Variants in NDUFAF2 observed in about 807,000 individuals in gnomAD.
The protein encoded by NDUFAF2 is NADH dehydrogenase [ubiquinone] 1 alpha subcomplex assembly factor 2.
A neutral mutation model predicts 22.8 loss-of-function variants in NDUFAF2; 13 were observed. The observed-to-expected ratio is 0.57, with a 90% CI of 0.37 to 0.91. The LOEUF (loss-of-function observed/expected upper bound fraction) is 0.91. Ranked by LOEUF, NDUFAF2 falls within the 40% of genes least tolerant of loss-of-function variation. The pLI is 0.01. For missense variants in NDUFAF2, 162 were observed against 195.2 expected, an observed-to-expected ratio of 0.83 and a Z score of 1.01; for synonymous variants, 53 against 64.2, an observed-to-expected ratio of 0.83 and a Z score of 0.84.
At chr5:61,141,452 T>C (rs1003285575) in intron 3 of NDUFAF2, among the ~76,000 whole-genome samples, 7 of 152,092 alleles carry the variant, frequency 4.6e-5, no homozygotes, top group Non-Finnish European at 8.8e-5. Context: ...TCAGTTAATA[T>C]ATGCATGAAC....
At chr5:61,040,282 A>ACGCGCGCGCGCGCGCGCG (rs1263125156) in intron 1 of NDUFAF2, among the ~76,000 whole-genome samples, 2 of 84,052 alleles carry the variant, frequency 2.4e-5, no homozygotes, top group African/African-American at 9.3e-5. Flanking sequence ...ACACACACAC[A>ACGCGCGCGCGCGCGCGCG]CACACGCGCG....
chr5:61,053,958 A>G (rs1007617824), intron 1 of NDUFAF2, among the ~76,000 whole-genome samples: 1 of 152,166 alleles, frequency 6.6e-6, no homozygotes, highest in African/African-American at 2.4e-5. Context: ...TTGGTAAAAA[A>G]TAAAACATAT....
intron 3 of NDUFAF2, among the ~76,000 whole-genome samples, chr5:61,111,236 A>G (rs1339941710): frequency 6.6e-6 from 1 of 152,218 alleles, no homozygotes; most frequent in Non-Finnish European, 1.5e-5. Flanking sequence ...CCTAACGTAT[A>G]GTCTGTCCTT....
intron 1 of NDUFAF2, among the ~76,000 whole-genome samples, chr5:60,975,334 C>G (rs971257433): frequency 1.3e-5 from 2 of 151,704 alleles, no homozygotes; most frequent in African/African-American, 4.8e-5. Context: ...AGGATTTTTA[C>G]CTAAGTAATT....
chr5:60,972,512 T>C (rs1750848305), intron 1 of NDUFAF2, among the ~76,000 whole-genome samples: 1 of 152,180 alleles, frequency 6.6e-6, no homozygotes, highest in Non-Finnish European at 1.5e-5. Context: ...CCTTCTGCCA[T>C]GATTATATCT....
At chr5:60,949,392 C>G (rs1750510462) in intron 1 of NDUFAF2, among the ~76,000 whole-genome samples, 1 of 152,168 alleles carries the variant, frequency 6.6e-6, no homozygotes, top group Non-Finnish European at 1.5e-5. Context: ...CTTTTTACTG[C>G]TGATTAGTAT....
intron 3 of NDUFAF2, among the ~76,000 whole-genome samples, chr5:61,121,999 T>A (rs982561061): frequency 1.3e-5 from 2 of 151,928 alleles, no homozygotes; most frequent in African/African-American, 2.4e-5. Flanking sequence ...CCCAGCTAAT[T>A]TTTGTATTTT....
intron 3 of NDUFAF2, among the ~76,000 whole-genome samples, chr5:61,108,683 T>C (rs1752798805): frequency 6.6e-6 from 1 of 152,118 alleles, no homozygotes; most frequent in Non-Finnish European, 1.5e-5. Flanking sequence ...CATATAGATA[T>C]CCAGTTTTCC....
intron 1 of NDUFAF2, among the ~76,000 whole-genome samples, chr5:61,001,113 T>C (rs1751289645): frequency 6.6e-6 from 1 of 152,112 alleles, no homozygotes; most frequent in Non-Finnish European, 1.5e-5. Context: ...TTCTCTTTCT[T>C]TGGCAGAAAC....
At chr5:60,986,610 G>A (rs1751081608) in intron 1 of NDUFAF2, among the ~76,000 whole-genome samples, 1 of 152,090 alleles carries the variant, frequency 6.6e-6, no homozygotes, top group South Asian at 2.1e-4. Context: ...AATAACCAAA[G>A]TCAGAGCTGA....
At chr5:61,074,983 C>T (rs1402538695) in intron 2 of NDUFAF2, among the ~76,000 whole-genome samples, 1 of 152,080 alleles carries the variant, frequency 6.6e-6, no homozygotes, top group African/African-American at 2.4e-5. Flanking sequence ...CTCATGAGAA[C>T]TCACTCACTT....
rs377088108 is a variant in NDUFAF2 at position 61,108,296 on chromosome 5, A to C, written c.258+9264A>C. ...GCCACACTGACTTCCACAATGGTTG[A>C]ACTAGTTTACAGTCCCACCAACAGT... On this transcript the variant is annotated intron_variant, in intron 3 of 3. Coordinates refer to ENST00000296597, the MANE Select transcript of NDUFAF2 (RefSeq NM_174889.5). Among the ~76,000 whole-genome samples the C allele has an allele frequency of 2.0e-5, 3 of 149,124 alleles. No homozygotes were observed. In the East Asian group the frequency reaches 5.8e-4, roughly 29 times the overall value.
At chr5:60,970,739 G>A (rs571417324) in intron 1 of NDUFAF2, among the ~76,000 whole-genome samples, 1 of 152,230 alleles carries the variant, frequency 6.6e-6, no homozygotes, top group African/African-American at 2.4e-5. Flanking sequence ...AAATAACAGT[G>A]GTGACAGTGG....
rs918380662 is a variant in NDUFAF2 at position 61,107,090 on chromosome 5, C to CACACACACACAT, written c.258+8059_258+8060insCACACACACATA. 1.6e-3 allele frequency among the ~76,000 whole-genome samples: 232 copies of CACACACACACAT among 146,128 alleles called. 2 individuals carry two copies. Among genetic ancestry groups the CACACACACACAT allele is most frequent in the African/African-American group, 5.2e-3 (195 of 37,844 alleles). On this transcript the variant is annotated intron_variant, in intron 3 of 3. Coordinates refer to ENST00000296597, the MANE Select transcript of NDUFAF2 (RefSeq NM_174889.5). ...ACACACACACACACACACACACACA[C>CACACACACACAT]ATATATGCCTAGCAGTAGAATTGCT...
intron 3 of NDUFAF2, among the ~76,000 whole-genome samples, chr5:61,141,004 G>A (rs1478262191): frequency 1.3e-5 from 2 of 152,112 alleles, no homozygotes. Flanking sequence ...CAAGGCGGGC[G>A]GATCACCTGA....
intron 1 of NDUFAF2, among the ~76,000 whole-genome samples, chr5:61,048,971 AG>A (rs1247917365): frequency 2.6e-5 from 4 of 152,144 alleles, no homozygotes; most frequent in Non-Finnish European, 5.9e-5. Flanking sequence ...CAAACATGCA[AG>A]GTAAACATGC....
At chr5:61,092,257 G>A (rs768633765) in intron 2 of NDUFAF2, among the ~76,000 whole-genome samples, 12 of 152,092 alleles carry the variant, frequency 7.9e-5, no homozygotes, top group East Asian at 1.9e-4. Context: ...TGTGAAGAAC[G>A]TCAATGGTAA....
chr5:61,137,217 G>A (rs531075729), intron 3 of NDUFAF2, among the ~76,000 whole-genome samples: 1 of 152,146 alleles, frequency 6.6e-6, no homozygotes, highest in African/African-American at 2.4e-5. Flanking sequence ...CCTTGTCTTG[G>A]CTTCAGCCAC....
chr5:60,966,618 C>T (rs1750761250), intron 1 of NDUFAF2, among the ~76,000 whole-genome samples: 2 of 152,092 alleles, frequency 1.3e-5, no homozygotes, highest in South Asian at 4.1e-4. Context: ...AGAGACTTTC[C>T]TCTTCCCATC....
Sources: gnomAD v4.1 joint callset for allele counts (sites outside exome capture counted in the v4.1 genomes callset) on GRCh38, gnomAD v4.1.1 for gene constraint, MANE v1.5 for transcripts, NCBI Gene and HGNC (gene_info 2026-07-23, HGNC 2026-07-21) for gene names.